Variants in STK25 observed in about 807,000 individuals in gnomAD.
The protein encoded by STK25 is serine/threonine-protein kinase 25.
A neutral mutation model predicts 53.8 loss-of-function variants in STK25; 29 were observed. That is an observed-to-expected ratio of 0.54 (90% confidence interval 0.40 to 0.74). The LOEUF is 0.74. Among genes scored for constraint, STK25 ranks in the 30% least tolerant of loss-of-function variants. The pLI, the probability that STK25 is intolerant of heterozygous loss-of-function variation, is 0.00. For missense variants in STK25, 420 were observed against 568.0 expected (o/e 0.74, Z 2.65); for synonymous variants, 247 against 238.3 (o/e 1.04, Z -0.33).
chr2:241,494,111 G>C lies in STK25; in HGVS notation c.*1551C>G. 1 of 1,479,426 alleles carries C rather than the reference G, an allele frequency of 6.8e-7. No individual in the cohort carries two copies. Among genetic ancestry groups the C allele is most frequent in the Non-Finnish European group, 8.9e-7 (1 of 1,123,724 alleles). The allele number at this position is 1,479,426 out of a possible 1,614,324, so 91.6% of individuals were successfully genotyped here. A position where few individuals can be genotyped will look rare whatever the true frequency, so the allele number is the denominator to read the frequency against. On this transcript the variant is annotated 3_prime_UTR_variant, in exon 12 of 12. Transcript: ENST00000316586. The surrounding 1 kb of genome is among the most constrained non-coding windows in gnomAD (Gnocchi z 4.9). Reference sequence around the variant, plus strand: ...CTCAGGGCTGGAGGGGATGGTCAGGGGGAAGGAGGAATGACGCTCAACCTG... The same window carrying C: ...CTCAGGGCTGGAGGGGATGGTCAGGCGGAAGGAGGAATGACGCTCAACCTG...
Position 241,496,438 on chromosome 2 carries a change from A to C in STK25, c.1201T>G (p.Ser401Ala). ...SLAEESCPGI[S>A]DKLMVHLVER... The stretch of plus-strand genomic sequence containing the variant: ...ACCAGGTGCACCATCAGCTTGTCTG[A>C]GATGCCGGGGCAGGACTCCTCGGCC... Residue 401 changes from serine (S) to alanine (A), a missense_variant, in exon 11 of 12, where the codon TCA becomes GCA. Transcript: ENST00000316586. This position sits in a 1 kb window ranked among gnomAD's most constrained non-coding sequence, Gnocchi z 5.8. 6.2e-7 allele frequency: 1 copy of C among 1,613,658 alleles called. No individual in the cohort carries two copies. The highest frequency in any genetic ancestry group is 8.5e-7 in the Non-Finnish European group (1 of 1,179,942).
At chr2:241,508,208 A>T in intron 1 of STK25, 73 bp from the exon 2 acceptor site, 2 of 1,304,410 alleles carry the variant, frequency 1.5e-6, no homozygotes, top group African/African-American at 1.9e-5. Context: ...GGCGGGCTCC[A>T]TGGGTGGGGG....
chr2:241,492,707 A>C lies in STK25; in HGVS notation c.*2955T>G, dbSNP rs530083537. ...CACTGACTTTATTGTGCACAGGGAA[A>C]GGGAACTCACTTTACTTGGTGCCTG... is the stretch of plus-strand genomic sequence containing the variant. On this transcript the variant is annotated 3_prime_UTR_variant, in exon 12 of 12. Coordinates refer to ENST00000316586, the MANE Select transcript of STK25 (RefSeq NM_001271977.2). The C allele has an allele frequency of 2.5e-5, 13 of 520,832 alleles. No homozygotes were observed. Among genetic ancestry groups the C allele is most frequent in the African/African-American group, 2.3e-4 (12 of 52,528 alleles). 32.3% of individuals were successfully genotyped at this position (520,832 alleles called of 1,614,324 possible). A position where few individuals can be genotyped will look rare whatever the true frequency, so the allele number is the denominator to read the frequency against.
intron 4 of STK25, among the ~76,000 whole-genome samples, 187 bp from the exon 5 acceptor site, chr2:241,500,468 AACCAGCCTC>A (rs1574948786): frequency 6.6e-6 from 1 of 152,122 alleles, no homozygotes; most frequent in East Asian, 1.9e-4. Context: ...AAAGCATATA[AACCAGCCTC>A]ACCTTACTGT....
intron 1 of STK25, 98 bp downstream of exon 1, chr2:241,508,344 GC>G: frequency 8.6e-7 from 1 of 1,168,984 alleles, no homozygotes; most frequent in Non-Finnish European, 1.1e-6. Flanking sequence ...TCCTCCCGGT[GC>G]CCCCGCCCCG....
chr2:241,507,735 C>T (rs1405988417), intron 2 of STK25, among the ~76,000 whole-genome samples: 2 of 152,246 alleles, frequency 1.3e-5, no homozygotes, highest in Non-Finnish European at 2.9e-5. Context: ...TGTCTCTTCA[C>T]GCACCTCCAC....
In STK25 at chr2:241,501,744, G is replaced by C; in HGVS notation, c.31-36C>G. The stretch of plus-strand genomic sequence containing the variant: ...AGGGCGGGGACAGAGGGCAGACAGC[G>C]CCGGTCACAAGAGGCGGGGGACAGG... On this transcript the variant is annotated intron_variant, in intron 2 of 11. Transcript: ENST00000316586. This position sits in a 1 kb window ranked among gnomAD's most constrained non-coding sequence, Gnocchi z 5.3. 1 of 1,553,198 alleles carries C rather than the reference G, an allele frequency of 6.4e-7. No individual in the cohort carries two copies. Among genetic ancestry groups the C allele is most frequent in the African/African-American group, 1.4e-5 (1 of 73,942 alleles).
At chr2:241,508,189 C>A in intron 1 of STK25, 54 bp from the exon 2 acceptor site, 1 of 1,358,402 alleles carries the variant, frequency 7.4e-7, no homozygotes, top group Non-Finnish European at 9.4e-7. Context: ...TGAGACCGAC[C>A]TCCGGGGCGG....
Position 241,492,727 on chromosome 2 carries a change from T to C in STK25, c.*2935A>G, listed in dbSNP as rs4075818. 68,913 of 541,602 alleles carry C rather than the reference T, an allele frequency of 0.13. 4,920 individuals carry two copies. The highest frequency in any genetic ancestry group is 0.15 in the Non-Finnish European group (45,236 of 303,418). The allele number at this position is 541,602 out of a possible 1,614,324, so 33.5% of individuals were successfully genotyped here. On this transcript the variant is annotated 3_prime_UTR_variant, in exon 12 of 12. Coordinates refer to ENST00000316586, the MANE Select transcript of STK25 (RefSeq NM_001271977.2). ...GGGAAAGGGAACTCACTTTACTTGGTGCCTGGAATGTCACTCTAGGTTTTT... is the reference window on the plus strand; with the variant it reads ...GGGAAAGGGAACTCACTTTACTTGGCGCCTGGAATGTCACTCTAGGTTTTT...
Position 241,495,374 on chromosome 2 carries a change from C to T in STK25, c.*288G>A. On this transcript the variant is annotated 3_prime_UTR_variant, in exon 12 of 12. Coordinates refer to ENST00000316586, the MANE Select transcript of STK25 (RefSeq NM_001271977.2). ...GAGTCTGCAGAAGACCCAGGCGTAGCTCATGAGGGCCACGCCGGCGGCTGG... is the reference window on the plus strand; with the variant it reads ...GAGTCTGCAGAAGACCCAGGCGTAGTTCATGAGGGCCACGCCGGCGGCTGG... 2.2e-6 allele frequency: 1 copy of T among 449,284 alleles called. No homozygotes were observed. Among genetic ancestry groups the T allele is most frequent in the Non-Finnish European group, 4.1e-6 (1 of 244,972 alleles). 27.8% of individuals were successfully genotyped at this position (449,284 alleles called of 1,614,324 possible). A position where few individuals can be genotyped will look rare whatever the true frequency, so the allele number is the denominator to read the frequency against.
Position 241,507,312 on chromosome 2 carries a change from T to G in STK25, c.30+694A>C, listed in dbSNP as rs1366323656. On this transcript the variant is annotated intron_variant, in intron 2 of 11. Transcript: ENST00000316586. The stretch of plus-strand genomic sequence containing the variant: ...CCAGCAGCTGGTCCTCATTCCAGGC[T>G]AAGGGCTCGCCGTAGTGGCTCCCTC... Among the ~76,000 whole-genome samples the G allele has an allele frequency of 3.3e-5, 5 of 152,150 alleles. No homozygotes were observed. In the East Asian group the frequency reaches 9.6e-4, roughly 29 times the overall value.
chr2:241,508,183 A>C, intron 1 of STK25, 48 bp from the exon 2 acceptor site: 1 of 1,347,548 alleles, frequency 7.4e-7, no homozygotes. Context: ...GTCATCTGAG[A>C]CCGACCTCCG....
In STK25 at chr2:241,501,168, C is replaced by T. The variant is rs184553993; in HGVS notation, c.261+310G>A. 44 of 550,896 alleles carry T rather than the reference C, an allele frequency of 8.0e-5. No individual in the cohort carries two copies. The Middle Eastern group carries it at 1.4e-3, about 18-fold the overall frequency. 34.1% of individuals were successfully genotyped at this position (550,896 alleles called of 1,614,324 possible). On this transcript the variant is annotated intron_variant, in intron 3 of 11. Transcript: ENST00000316586. This position sits in a 1 kb window ranked among gnomAD's most constrained non-coding sequence, Gnocchi z 5.3. ...GCCACAGCGTTCCCTACACCCCAGA[C>T]ACTGGCACCACCAGCCACCTGCTCC...
At chr2:241,507,965 G>C in intron 2 of STK25, 41 bp downstream of exon 2, 3 of 1,537,756 alleles carry the variant, frequency 2.0e-6, no homozygotes, top group South Asian at 2.4e-5. Flanking sequence ...GGAGCCCCTC[G>C]GTGAGAGGCC....
In STK25 at chr2:241,496,246, GGAA is replaced by G; in HGVS notation, c.1241+149_1241+151del. The G allele has an allele frequency of 8.9e-6, 5 of 559,214 alleles. 2 individuals carry two copies. The highest frequency in any genetic ancestry group is 5.6e-5 in the South Asian group (2 of 35,530). The allele number at this position is 559,214 out of a possible 1,614,324, so 34.6% of individuals were successfully genotyped here. ...GGCCCTGTGAGCTGGGTCCAAACAA[GGAA>G]GAGGATGCCACGCCGCGCCTTCCCA... On this transcript the variant is annotated intron_variant, in intron 11 of 11. Coordinates refer to ENST00000316586, the MANE Select transcript of STK25 (RefSeq NM_001271977.2). The surrounding 1 kb of genome is among the most constrained non-coding windows in gnomAD (Gnocchi z 5.8).
intron 2 of STK25, among the ~76,000 whole-genome samples, chr2:241,504,961 GGCT>G (rs914454793): frequency 1.3e-5 from 2 of 150,250 alleles, no homozygotes; most frequent in African/African-American, 4.9e-5. Context: ...CTGTTGCCCA[GGCT>G]GGAGTGCAGT....
chr2:241,507,033 A>T (rs952444632), intron 2 of STK25, among the ~76,000 whole-genome samples: 3 of 152,184 alleles, frequency 2.0e-5, no homozygotes, highest in Non-Finnish European at 2.9e-5. Context: ...CTACGCGAAC[A>T]GACGCCCTTC....
At chr2:241,504,618 A>T (rs2065711806) in intron 2 of STK25, among the ~76,000 whole-genome samples, 1 of 152,188 alleles carries the variant, frequency 6.6e-6, no homozygotes, top group Admixed American at 6.5e-5. Context: ...CCTATCTGAA[A>T]GGAAAGTCAA....
chr2:241,507,949 G>A (rs1313845236), intron 2 of STK25, 57 bp downstream of exon 2: 1 of 1,502,428 alleles, frequency 6.7e-7, no homozygotes, highest in Non-Finnish European at 9.1e-7. Flanking sequence ...ACCCCCAGGA[G>A]ACTCTGGAGC....
Sources: allele counts gnomAD v4.1 joint callset (sites outside exome capture counted in the v4.1 genomes callset), GRCh38; gene constraint gnomAD v4.1.1; non-coding constraint Gnocchi (gnomAD v3.1); transcripts MANE v1.5; gene names NCBI Gene and HGNC (gene_info 2026-07-23, HGNC 2026-07-21).